Variants in GSE1 observed in about 807,000 individuals in gnomAD.
The protein encoded by GSE1 is Gse1 coiled-coil protein, also known as genetic suppressor element 1.
A neutral mutation model predicts 112.6 loss-of-function variants in GSE1; 32 were observed. The observed-to-expected ratio is 0.28, with a 90% CI of 0.21 to 0.38. The LOEUF (loss-of-function observed/expected upper bound fraction) is 0.38, where lower values mean the gene tolerates loss of function less well. Among genes scored for constraint, GSE1 ranks in the 10% least tolerant of loss-of-function variants. GSE1 has a pLI of 1.00. For synonymous variants in GSE1, 1,115 were observed against 735.6 expected, an observed-to-expected ratio of 1.52 and a Z score of -8.35; for missense variants, 2,348 against 1,699.2, an observed-to-expected ratio of 1.38 and a Z score of -6.71.
chr16:85,579,262 G>A (rs528617699), intron 1 of GSE1, among the ~76,000 whole-genome samples: 13 of 152,188 alleles, frequency 8.5e-5, no homozygotes, highest in African/African-American at 2.7e-4. Flanking sequence ...CCCTTGGGGC[G>A]GGGCTTCTGC....
chr16:85,634,661 C>T (rs943712983), intron 2 of GSE1, among the ~76,000 whole-genome samples: 65 of 152,156 alleles, frequency 4.3e-4, no homozygotes, highest in Admixed American at 3.7e-3. Flanking sequence ...CATAGACAAG[C>T]GGCCCCCGGG....
chr16:85,371,322 A>T (rs2047295874), intron 2 of GSE1, among the ~76,000 whole-genome samples: 1 of 152,198 alleles, frequency 6.6e-6, no homozygotes, highest in East Asian at 1.9e-4. Flanking sequence ...TGGAGGAGCC[A>T]GGGAGTGGGT....
Position 85,212,134 on chromosome 16 carries a change from G to A in GSE1, c.2283+40327G>A, listed in dbSNP as rs768291123. On this transcript the variant is annotated intron_variant, in intron 1 of 2. Transcript: ENST00000637419. ...AATAATTGGGCTAGAAGCCGGGCGC[G>A]GTGGCTCATGCCTGGAATCCCAGCA... Among the ~76,000 whole-genome samples the A allele has an allele frequency of 3.4e-4, 52 of 152,328 alleles. 1 individual carries two copies. The highest frequency in any genetic ancestry group is 5.9e-4 in the Non-Finnish European group (40 of 68,028).
intron 2 of GSE1, among the ~76,000 whole-genome samples, chr16:85,549,930 C>T (rs753827052): frequency 6.6e-6 from 1 of 152,156 alleles, no homozygotes; most frequent in Non-Finnish European, 1.5e-5. Flanking sequence ...AAGATGACAT[C>T]GTAGGAAAGC....
Position 85,273,022 on chromosome 16 carries a change from C to T in GSE1, c.2284-84441C>T, listed in dbSNP as rs140234278. 8.9e-3 allele frequency among the ~76,000 whole-genome samples: 1,360 copies of T among 152,326 alleles called. 22 individuals are homozygous for T. The highest frequency in any genetic ancestry group is 0.031 in the African/African-American group (1,286 of 41,578). ...AACTCCCGACCTCAGGTGATCTGCCCGCCTCGGCCTCCCACAGTGCTGGGA... is the reference window on the plus strand; with the variant it reads ...AACTCCCGACCTCAGGTGATCTGCCTGCCTCGGCCTCCCACAGTGCTGGGA... On this transcript the variant is annotated intron_variant, in intron 1 of 2. Coordinates refer to the GSE1 transcript ENST00000637419.
intron 1 of GSE1, among the ~76,000 whole-genome samples, chr16:85,262,810 G>T (rs1444223440): frequency 6.6e-6 from 1 of 152,238 alleles, no homozygotes; most frequent in Non-Finnish European, 1.5e-5. Flanking sequence ...GCGGGCACCA[G>T]TTGGAAAATG....
intron 2 of GSE1, among the ~76,000 whole-genome samples, chr16:85,646,535 G>A (rs1198175372): frequency 1.3e-5 from 2 of 152,232 alleles, no homozygotes; most frequent in East Asian, 3.8e-4. Flanking sequence ...CTGCCTTGTT[G>A]GGGACCTTGG....
At chr16:85,634,242 C>T (rs776686409) in intron 2 of GSE1, 110 bp downstream of exon 2, 10 of 753,222 alleles carry the variant, frequency 1.3e-5, no homozygotes, top group African/African-American at 3.8e-5. Context: ...CTTTCCCACG[C>T]CGTGTGCTCT....
chr16:85,624,660 G>A (rs756272588), intron 1 of GSE1, among the ~76,000 whole-genome samples: 4 of 152,224 alleles, frequency 2.6e-5, no homozygotes, highest in African/African-American at 9.6e-5. Flanking sequence ...CATGTGACCC[G>A]GGTTGAGGGC....
intron 1 of GSE1, among the ~76,000 whole-genome samples, chr16:85,347,322 C>T (rs1429654887): frequency 6.6e-6 from 1 of 152,162 alleles, no homozygotes; most frequent in Non-Finnish European, 1.5e-5. Context: ...GGGCTGATGC[C>T]AAGGTCTCAG....
intron 1 of GSE1, among the ~76,000 whole-genome samples, chr16:85,578,899 C>T (rs913154070): frequency 6.6e-6 from 1 of 151,402 alleles, no homozygotes; most frequent in Non-Finnish European, 1.5e-5. Flanking sequence ...CATCTTACTG[C>T]GTCTCCTCAA....
intron 1 of GSE1, among the ~76,000 whole-genome samples, chr16:85,558,068 A>G (rs1373399868): frequency 6.6e-6 from 1 of 152,176 alleles, no homozygotes; most frequent in Non-Finnish European, 1.5e-5. Context: ...AGAACCGGGA[A>G]TCCCCAACTT....
At chr16:85,491,503 C>T (rs1292377667) in intron 2 of GSE1, among the ~76,000 whole-genome samples, 2 of 152,072 alleles carry the variant, frequency 1.3e-5, no homozygotes, top group South Asian at 4.1e-4. Flanking sequence ...CTTGGGGGGC[C>T]AGGGTGTGAG....
intron 1 of GSE1, among the ~76,000 whole-genome samples, chr16:85,352,765 G>T (rs887377338): frequency 6.6e-6 from 1 of 152,152 alleles, no homozygotes; most frequent in African/African-American, 2.4e-5. Context: ...ACAGCCTTGC[G>T]TGTCCATTAA....
At chr16:85,648,091 G>C (rs528789858) in intron 2 of GSE1, among the ~76,000 whole-genome samples, 1 of 151,994 alleles carries the variant, frequency 6.6e-6, no homozygotes, top group East Asian at 1.9e-4. Context: ...CAGCTGGCCT[G>C]TGTGTCCTGG....
At chr16:85,629,895 G>A (rs147151651) in intron 1 of GSE1, among the ~76,000 whole-genome samples, 3 of 152,316 alleles carry the variant, frequency 2.0e-5, no homozygotes, top group Admixed American at 6.5e-5. Flanking sequence ...CCAACTGTCC[G>A]CAGCTCAGTG....
chr16:85,358,568 G>C (rs1035603007), intron 2 of GSE1, among the ~76,000 whole-genome samples: 4 of 152,202 alleles, frequency 2.6e-5, no homozygotes, highest in African/African-American at 9.7e-5. Context: ...GGACAGACAG[G>C]GGACTGCTGG....
intron 1 of GSE1, chr16:85,283,486 G>A (rs1246007395): frequency 6.6e-6 from 1 of 152,670 alleles, no homozygotes; most frequent in Admixed American, 6.5e-5. Flanking sequence ...AGGCCCTGAG[G>A]CATGGCCTAA....
chr16:85,240,036 G>A (rs1404897154), intron 1 of GSE1, among the ~76,000 whole-genome samples: 1 of 152,262 alleles, frequency 6.6e-6, no homozygotes, highest in African/African-American at 2.4e-5. Context: ...AGGGCCTAGA[G>A]TGAGCCTGCA....
Sources: gnomAD v4.1 joint callset for allele counts (sites outside exome capture counted in the v4.1 genomes callset) on GRCh38, gnomAD v4.1.1 for gene constraint, MANE v1.5 for transcripts, NCBI Gene and HGNC (gene_info 2026-07-23, HGNC 2026-07-21) for gene names.